Variants in ZNF83 observed in about 807,000 individuals in gnomAD.
ZNF83 encodes zinc finger protein 816B.
For synonymous variants in ZNF83, 209 were observed against 213.0 expected (o/e 0.98, Z 0.17); for missense variants, 552 against 629.9 (o/e 0.88, Z 1.32).
In ZNF83 at chr19:52,614,321, G is replaced by A. The variant is rs757112901; in HGVS notation, c.244C>T (p.Gln82Ter). 4.3e-6 allele frequency: 7 copies of A among 1,613,212 alleles called. No homozygotes were observed. Among genetic ancestry groups the A allele is most frequent in the African/African-American group, 1.3e-5 (1 of 74,876 alleles). ...GTCCCAATATTTGCTTTCTCTTTTTGTGTGAATAATGAATCCACAAAATTA... is the reference window on the plus strand; with the variant it reads ...GTCCCAATATTTGCTTTCTCTTTTTATGTGAATAATGAATCCACAAAATTA... Residue 82 changes from glutamine to a stop codon, truncating the protein, a stop_gained, in exon 3 of 3, where the codon CAA becomes TAA. Coordinates refer to ENST00000301096, the Ensembl canonical transcript of ZNF83. LOFTEE classifies it low-confidence loss of function (END_TRUNC).
chr19:52,675,820 T>G (rs1211060210), intron 1 of ZNF83, among the ~76,000 whole-genome samples: 1 of 152,120 alleles, frequency 6.6e-6, no homozygotes, highest in Non-Finnish European at 1.5e-5. Context: ...TGGACGAAAG[T>G]GGAACTAATT....
chr19:52,643,569 C>A (rs192795844), intron 3 of ZNF83, among the ~76,000 whole-genome samples: 99 of 151,998 alleles, frequency 6.5e-4, no homozygotes, highest in African/African-American at 2.3e-3. Context: ...GGTGTTGTGG[C>A]ATGCACCTGT....
chr19:52,627,579 G>A (rs578126588), intron 2 of ZNF83, among the ~76,000 whole-genome samples: 2 of 152,180 alleles, frequency 1.3e-5, no homozygotes, highest in South Asian at 4.2e-4. Flanking sequence ...CTTGAACCTG[G>A]GAGGCAGAAA....
intron 2 of ZNF83, among the ~76,000 whole-genome samples, chr19:52,655,924 TA>T (rs2061498108): frequency 2.8e-5 from 1 of 35,390 alleles, no homozygotes; most frequent in African/African-American, 1.6e-4. Context: ...ATACAAAAAA[TA>T]TATGTCTGGG....
At position 52,630,835 on chromosome 19, in the gene ZNF83, C is replaced by A. The variant is rs191252824; in HGVS notation, c.-234+4231G>T. On this transcript the variant is annotated intron_variant, in intron 2 of 2. Transcript: ENST00000301096. ...CCTGTTACAGCATGGCCTTTTAAAG[C>A]CTATAAACTCTCCTTACAACTCCCC... Among the ~76,000 whole-genome samples the A allele has an allele frequency of 2.4e-4, 37 of 152,166 alleles. 2 individuals carry two copies. The East Asian group carries it at 7.1e-3, about 29-fold the overall frequency.
intron 1 of ZNF83, among the ~76,000 whole-genome samples, chr19:52,675,931 C>G (rs1391157477): frequency 6.6e-6 from 1 of 152,198 alleles, no homozygotes; most frequent in Non-Finnish European, 1.5e-5. Flanking sequence ...GTGGCTCATG[C>G]TTGTAATCCC....
At chr19:52,656,693 C>A (rs115917796) in intron 2 of ZNF83, among the ~76,000 whole-genome samples, 73 of 152,088 alleles carry the variant, frequency 4.8e-4, no homozygotes, top group African/African-American at 1.6e-3. Context: ...TGCTGAAACA[C>A]TGACACTATT....
intron 1 of ZNF83, among the ~76,000 whole-genome samples, chr19:52,667,819 T>C (rs2061674740): frequency 1.3e-5 from 2 of 152,156 alleles, no homozygotes; most frequent in South Asian, 4.1e-4. Context: ...ATTGGATAAA[T>C]ATGTCTACAA....
intron 1 of ZNF83, among the ~76,000 whole-genome samples, chr19:52,669,487 C>T (rs554154666): frequency 6.6e-6 from 1 of 152,320 alleles, no homozygotes; most frequent in East Asian, 1.9e-4. Context: ...AGCCAGATGT[C>T]TTGGGAAAAT....
chr19:52,649,555 G>C (rs1485989326), intron 3 of ZNF83, among the ~76,000 whole-genome samples: 1 of 152,076 alleles, frequency 6.6e-6, no homozygotes, highest in Non-Finnish European at 1.5e-5. Context: ...AAGATATAAG[G>C]GAAATGATAA....
At chr19:52,639,074 C>T (rs2061247836), upstream of ZNF83, among the ~76,000 whole-genome samples, 1 of 152,152 alleles carries the variant, frequency 6.6e-6, no homozygotes, top group Admixed American at 6.5e-5. Flanking sequence ...TTAGTTGTCC[C>T]AGCGTATTTG....
chr19:52,619,219 T>C (rs35706759), intron 2 of ZNF83, among the ~76,000 whole-genome samples: 3 of 151,736 alleles, frequency 2.0e-5, no homozygotes, highest in Non-Finnish European at 4.4e-5. Context: ...CCCAGTGGTG[T>C]TTGATTATAC....
intron 3 of ZNF83, chr19:52,652,516 G>C (rs2061455008): frequency 2.2e-6 from 1 of 453,278 alleles, no homozygotes; most frequent in African/African-American, 2.0e-5. Context: ...TTTTGCATAA[G>C]ATGAAGCTTG....
At chr19:52,671,146 C>T (rs2061719456) in intron 1 of ZNF83, among the ~76,000 whole-genome samples, 1 of 152,086 alleles carries the variant, frequency 6.6e-6, no homozygotes, top group African/African-American at 2.4e-5. Context: ...GGCACAGAAA[C>T]ATGTTTTGAG....
chr19:52,657,269 A>G (rs922798584), intron 2 of ZNF83, among the ~76,000 whole-genome samples: 1 of 152,198 alleles, frequency 6.6e-6, no homozygotes, highest in African/African-American at 2.4e-5. Flanking sequence ...CAGTAACTAA[A>G]TGGAAAAACT....
At chr19:52,656,790 C>T (rs144104730) in intron 2 of ZNF83, among the ~76,000 whole-genome samples, 12 of 147,786 alleles carry the variant, frequency 8.1e-5, no homozygotes, top group African/African-American at 2.0e-4. Flanking sequence ...CACTTGAACT[C>T]GGGAGGCTGA....
chr19:52,613,748 TATG>T (rs768456071), exon 3 of ZNF83: 31 of 1,383,952 alleles, frequency 2.2e-5, no homozygotes, highest in Non-Finnish European at 2.9e-5. Flanking sequence ...AGGTGTGAAA[TATG>T]ATGGAAGACC....
upstream of ZNF83, among the ~76,000 whole-genome samples, chr19:52,638,906 G>A (rs1225893931): frequency 1.3e-5 from 2 of 152,096 alleles, no homozygotes; most frequent in Admixed American, 6.5e-5. Flanking sequence ...CGGGAGGATC[G>A]CCGAGCCTGG....
chr19:52,630,528 G>A (rs969664255), intron 2 of ZNF83, among the ~76,000 whole-genome samples: 18 of 152,140 alleles, frequency 1.2e-4, no homozygotes, highest in South Asian at 4.1e-4. Context: ...CAGTTCCCTT[G>A]TTAGGCTGAG....
Sources: gnomAD v4.1 joint callset for allele counts (sites outside exome capture counted in the v4.1 genomes callset) on GRCh38, gnomAD v4.1.1 for gene constraint, MANE v1.5 for transcripts, NCBI Gene and HGNC (gene_info 2026-07-23, HGNC 2026-07-21) for gene names.